Variants in SYBU observed in about 807,000 individuals in gnomAD.
SYBU encodes the protein GOLSYN A protein.
A neutral mutation model predicts 35.9 loss-of-function variants in SYBU; 21 were observed. The observed-to-expected ratio is 0.58, with a 90% CI of 0.41 to 0.84. The LOEUF (loss-of-function observed/expected upper bound fraction) is 0.84. Among genes scored for constraint, SYBU ranks in the 40% least tolerant of loss-of-function variants. The pLI is 0.00. For synonymous variants in SYBU, 319 were observed against 324.3 expected, an observed-to-expected ratio of 0.98 and a Z score of 0.18; for missense variants, 768 against 848.2, an observed-to-expected ratio of 0.91 and a Z score of 1.17.
chr8:109,578,571 T>TG (rs1822635121), intron 5 of SYBU, among the ~76,000 whole-genome samples: 3 of 152,148 alleles, frequency 2.0e-5, no homozygotes, highest in African/African-American at 7.2e-5. Context: ...TTAATTACTT[T>TG]GAAGATTGAA....
chr8:109,585,004 G>A (rs1823451813), intron 4 of SYBU, among the ~76,000 whole-genome samples: 1 of 151,984 alleles, frequency 6.6e-6, no homozygotes, highest in Admixed American at 6.6e-5. Context: ...GGTATCCTAG[G>A]ACCCACCAAG....
intron 2 of SYBU, among the ~76,000 whole-genome samples, chr8:109,637,351 A>G (rs1367508818): frequency 6.6e-6 from 1 of 152,198 alleles, no homozygotes; most frequent in South Asian, 2.1e-4. Context: ...CAATTCCATC[A>G]TGTTTACTTT....
At chr8:109,608,019 A>G in intron 3 of SYBU, 1 of 1,465,486 alleles carries the variant, frequency 6.8e-7, no homozygotes, top group Non-Finnish European at 9.2e-7. Flanking sequence ...TGCAGCTCAT[A>G]TCTCAGTAGA....
chr8:109,682,814 C>T (rs571985553), upstream of SYBU, among the ~76,000 whole-genome samples: 29 of 152,330 alleles, frequency 1.9e-4, no homozygotes, highest in African/African-American at 6.5e-4. Context: ...ATGGGCCAGG[C>T]CCAGGGCTCC....
chr8:109,575,910 CTTCT>C lies in SYBU; in HGVS notation c.984_987del (p.Glu329ProfsTer33). The stretch of plus-strand genomic sequence containing the variant: ...TTGAGCTGTTTAATCTCTTTCCTGG[CTTCT>C]TTGAGTGCCAACTGGGCCTCTACCC... On this transcript the variant is annotated frameshift_variant, in exon 7 of 7. Transcript: ENST00000276646. LOFTEE classifies it low-confidence loss of function (END_TRUNC). The C allele has an allele frequency of 6.2e-7, 1 of 1,613,914 alleles. No homozygotes were observed. The highest frequency in any genetic ancestry group is 8.5e-7 in the Non-Finnish European group (1 of 1,179,996).
At chr8:109,680,671 A>G (rs1368320328) in intron 1 of SYBU, 8 of 152,242 alleles carry the variant, frequency 5.3e-5, no homozygotes, top group Non-Finnish European at 1.2e-4. Flanking sequence ...ACCCCTTAGC[A>G]AAACAAATAT....
chr8:109,665,053 G>C (rs1204296430), intron 1 of SYBU, among the ~76,000 whole-genome samples: 2 of 152,126 alleles, frequency 1.3e-5, no homozygotes, highest in African/African-American at 4.8e-5. Context: ...CTAGGCCAAT[G>C]CTGTCCAACA....
At chr8:109,600,571 T>C (rs892226602) in intron 3 of SYBU, among the ~76,000 whole-genome samples, 7 of 152,212 alleles carry the variant, frequency 4.6e-5, no homozygotes, top group African/African-American at 1.7e-4. Context: ...GCAGAAATGG[T>C]ATCATTAACT....
chr8:109,631,404 C>T (rs1024098211), intron 2 of SYBU, among the ~76,000 whole-genome samples: 1 of 152,166 alleles, frequency 6.6e-6, no homozygotes, highest in Non-Finnish European at 1.5e-5. Flanking sequence ...CACGGATAAA[C>T]ATTCCCAGGA....
At chr8:109,612,257 G>A (rs1811255010) in intron 3 of SYBU, among the ~76,000 whole-genome samples, 1 of 152,142 alleles carries the variant, frequency 6.6e-6, no homozygotes, top group South Asian at 2.1e-4. Context: ...GACAGGCAGT[G>A]CTTGATAACT....
intron 1 of SYBU, among the ~76,000 whole-genome samples, chr8:109,657,578 T>G (rs1816402266): frequency 6.6e-6 from 1 of 152,260 alleles, no homozygotes; most frequent in Middle Eastern, 3.2e-3. Flanking sequence ...CTTCATCCTT[T>G]TCTTTCCACT....
intron 2 of SYBU, among the ~76,000 whole-genome samples, chr8:109,641,686 C>T (rs948330364): frequency 6.6e-6 from 1 of 152,216 alleles, no homozygotes; most frequent in African/African-American, 2.4e-5. Context: ...ATTAGAGGTA[C>T]ACAGGCTTCT....
intron 1 of SYBU, among the ~76,000 whole-genome samples, chr8:109,687,025 C>G (rs897297095): frequency 6.6e-6 from 1 of 151,890 alleles, no homozygotes; most frequent in African/African-American, 2.4e-5. Flanking sequence ...ACTATTAATG[C>G]AAAAAACGGA....
intron 1 of SYBU, among the ~76,000 whole-genome samples, chr8:109,669,339 C>CAAAA (rs533510895): frequency 7.8e-4 from 39 of 49,692 alleles, no homozygotes; most frequent in East Asian, 1.1e-3. Flanking sequence ...GAGACTCCGT[C>CAAAA]AAAAAAAAAA....
intron 2 of SYBU, among the ~76,000 whole-genome samples, chr8:109,633,132 G>T (rs1310736978): frequency 1.3e-5 from 2 of 152,110 alleles, no homozygotes; most frequent in African/African-American, 4.8e-5. Context: ...ATAAGTTTTT[G>T]TTACTTCTGA....
At chr8:109,603,288 C>G (rs183748759) in intron 3 of SYBU, 89 of 474,530 alleles carry the variant, frequency 1.9e-4, no homozygotes, top group African/African-American at 1.8e-3. Context: ...TCCCACTCAT[C>G]CTTCCAAAAA....
chr8:109,636,646 A>G (rs1052480367), intron 2 of SYBU, among the ~76,000 whole-genome samples: 25 of 152,196 alleles, frequency 1.6e-4, no homozygotes, highest in Non-Finnish European at 3.5e-4. Context: ...TGTTCAGGGT[A>G]TACTCTTGGT....
chr8:109,574,888 G>A lies in SYBU; in HGVS notation c.*18C>T, dbSNP rs749520177. 4.9e-5 allele frequency: 74 copies of A among 1,510,262 alleles called. No homozygotes were observed. Among genetic ancestry groups the A allele is most frequent in the Non-Finnish European group, 5.8e-5 (65 of 1,129,318 alleles). 93.6% of individuals were successfully genotyped at this position (1,510,262 alleles called of 1,614,324 possible). A position where few individuals can be genotyped will look rare whatever the true frequency, so the allele number is the denominator to read the frequency against. On this transcript the variant is annotated 3_prime_UTR_variant, in exon 7 of 7. Transcript: ENST00000276646. ...ACCCACATGGGACACATTGGCACAC[G>A]GTAACAACAACTTCTATTTAGGTTT... is the stretch of plus-strand genomic sequence containing the variant.
chr8:109,619,230 C>CTTT (rs142578497), intron 2 of SYBU, among the ~76,000 whole-genome samples, 191 bp from the exon 3 acceptor site: 1 of 145,124 alleles, frequency 6.9e-6, no homozygotes, highest in Non-Finnish European at 1.5e-5. Flanking sequence ...AATGCAAAAC[C>CTTT]TTTTTTTTTT....
Sources: allele counts gnomAD v4.1 joint callset (sites outside exome capture counted in the v4.1 genomes callset), GRCh38; gene constraint gnomAD v4.1.1; transcripts MANE v1.5; gene names NCBI Gene and HGNC (gene_info 2026-07-23, HGNC 2026-07-21).